The following ANKIB1 variants were observed in gnomAD, a reference collection of about 807,000 sequenced individuals.
ANKIB1 encodes the protein ankyrin repeat and IBR domain containing 1, also known as ankyrin repeat and IBR domain-containing protein 1.
A neutral mutation model predicts 122.1 loss-of-function variants in ANKIB1; 43 were observed. The observed-to-expected ratio is 0.35, with a 90% CI of 0.28 to 0.45. ANKIB1 has a LOEUF of 0.45. Among genes scored for constraint, ANKIB1 ranks in the 20% least tolerant of loss-of-function variants. The pLI is 1.00. For synonymous variants in ANKIB1, 390 were observed against 442.0 expected (o/e 0.88, Z 1.48); for missense variants, 992 against 1,329.5 (o/e 0.75, Z 3.95).
At chr7:92,351,872 T>C (rs1286826710) in intron 8 of ANKIB1, among the ~76,000 whole-genome samples, 2 of 151,676 alleles carry the variant, frequency 1.3e-5, no homozygotes, top group African/African-American at 4.8e-5. Flanking sequence ...GGGCGCCCAC[T>C]ACCACTCCCG....
intron 6 of ANKIB1, among the ~76,000 whole-genome samples, 197 bp downstream of exon 6, chr7:92,343,429 A>G (rs1344988776): frequency 6.6e-6 from 1 of 152,190 alleles, no homozygotes; most frequent in Non-Finnish European, 1.5e-5. Context: ...TCTGAATTAT[A>G]GATTGAAAAA....
At chr7:92,372,939 A>T (rs1804306704) in intron 11 of ANKIB1, among the ~76,000 whole-genome samples, 1 of 152,150 alleles carries the variant, frequency 6.6e-6, no homozygotes, top group Non-Finnish European at 1.5e-5. Flanking sequence ...TTAAGATTCC[A>T]GTAAAATATA....
chr7:92,333,833 GTTATA>G (rs1803231129), intron 5 of ANKIB1, among the ~76,000 whole-genome samples: 1 of 152,120 alleles, frequency 6.6e-6, no homozygotes, highest in African/African-American at 2.4e-5. Context: ...ATCTGTCTTA[GTTATA>G]TTAGTTGTTT....
intron 11 of ANKIB1, among the ~76,000 whole-genome samples, chr7:92,379,425 T>C (rs1804461695): frequency 1.3e-5 from 2 of 151,928 alleles, no homozygotes; most frequent in Non-Finnish European, 2.9e-5. Flanking sequence ...ACGGCGGGAT[T>C]AAGGGGAAGC....
chr7:92,284,669 A>C (rs1238520423), intron 1 of ANKIB1, among the ~76,000 whole-genome samples: 1 of 151,406 alleles, frequency 6.6e-6, no homozygotes, highest in African/African-American at 2.4e-5. Context: ...TCCTTCATTC[A>C]TTCATTTGTT....
chr7:92,334,829 C>T (rs1261955461), intron 5 of ANKIB1, among the ~76,000 whole-genome samples: 1 of 151,894 alleles, frequency 6.6e-6, no homozygotes, highest in Non-Finnish European at 1.5e-5. Flanking sequence ...ATACCATACT[C>T]TGTTGCTGTT....
chr7:92,394,963 T>G (rs939684987), intron 17 of ANKIB1, among the ~76,000 whole-genome samples: 3 of 152,200 alleles, frequency 2.0e-5, no homozygotes, highest in African/African-American at 4.8e-5. Flanking sequence ...TTCACCTACT[T>G]CTAGTACTTT....
intron 3 of ANKIB1, among the ~76,000 whole-genome samples, chr7:92,310,064 T>G (rs1168936177): frequency 6.6e-6 from 1 of 151,404 alleles, no homozygotes; most frequent in Non-Finnish European, 1.5e-5. Flanking sequence ...CTTATTAAAT[T>G]TTTCAAAAAA....
At chr7:92,333,071 T>C (rs778699059) in intron 5 of ANKIB1, among the ~76,000 whole-genome samples, 1 of 152,098 alleles carries the variant, frequency 6.6e-6, no homozygotes, top group Non-Finnish European at 1.5e-5. Context: ...TAATTGTCAG[T>C]TTCACCTCCC....
chr7:92,384,323 T>C (rs530874103), intron 11 of ANKIB1, among the ~76,000 whole-genome samples: 2 of 152,306 alleles, frequency 1.3e-5, no homozygotes, highest in East Asian at 3.9e-4. Flanking sequence ...AGGTAATTTA[T>C]AAATTCAGTG....
At chr7:92,373,353 T>G (rs997138816) in intron 11 of ANKIB1, among the ~76,000 whole-genome samples, 1 of 152,188 alleles carries the variant, frequency 6.6e-6, no homozygotes, top group African/African-American at 2.4e-5. Context: ...TTATCTTTAT[T>G]TCCTGCATAA....
intron 11 of ANKIB1, among the ~76,000 whole-genome samples, chr7:92,382,687 C>T (rs962268576): frequency 6.6e-6 from 1 of 152,126 alleles, no homozygotes; most frequent in Non-Finnish European, 1.5e-5. Flanking sequence ...TTCTTTGAAA[C>T]CAATGAGAAC....
chr7:92,344,001 C>T (rs970946434), intron 6 of ANKIB1, among the ~76,000 whole-genome samples: 2 of 152,036 alleles, frequency 1.3e-5, no homozygotes, highest in African/African-American at 4.8e-5. Context: ...TATGAAAGTG[C>T]TTCTCATTTT....
At chr7:92,256,706 G>C (rs1318898321) in intron 1 of ANKIB1, among the ~76,000 whole-genome samples, 1 of 152,096 alleles carries the variant, frequency 6.6e-6, no homozygotes, top group Non-Finnish European at 1.5e-5. Flanking sequence ...GCTTCCCATG[G>C]CACTTATTAC....
chr7:92,252,396 T>G (rs1801346418), intron 1 of ANKIB1, among the ~76,000 whole-genome samples: 1 of 151,102 alleles, frequency 6.6e-6, no homozygotes, highest in East Asian at 1.9e-4. Context: ...CTTTTTTTTT[T>G]TTTTTTTTGA....
chr7:92,388,533 A>G (rs1308959518), intron 14 of ANKIB1, among the ~76,000 whole-genome samples: 2 of 152,260 alleles, frequency 1.3e-5, no homozygotes, highest in South Asian at 2.1e-4. Flanking sequence ...AAGCGAAGCC[A>G]TGAGGTGGAG....
At chr7:92,260,755 T>C (rs1049157120) in intron 1 of ANKIB1, among the ~76,000 whole-genome samples, 2 of 151,880 alleles carry the variant, frequency 1.3e-5, no homozygotes, top group Non-Finnish European at 2.9e-5. Flanking sequence ...ACCACAAAAC[T>C]CTCCTTGCTG....
intron 4 of ANKIB1, 47 bp from the exon 5 acceptor site, chr7:92,327,735 TC>T (rs751140852): frequency 2.0e-6 from 2 of 996,678 alleles, no homozygotes; most frequent in South Asian, 1.8e-5. Flanking sequence ...TTTGATAACT[TC>T]CTATGAGTAT....
intron 9 of ANKIB1, among the ~76,000 whole-genome samples, chr7:92,356,446 A>T (rs936746817): frequency 6.6e-6 from 1 of 152,186 alleles, no homozygotes; most frequent in African/African-American, 2.4e-5. Flanking sequence ...TAAAAACATG[A>T]TACTACTTAT....
Sources: gnomAD v4.1 joint callset for allele counts (sites outside exome capture counted in the v4.1 genomes callset) on GRCh38, gnomAD v4.1.1 for gene constraint, MANE v1.5 for transcripts, NCBI Gene and HGNC (gene_info 2026-07-23, HGNC 2026-07-21) for gene names.